Variants in RXRA observed in about 807,000 individuals in gnomAD.
The protein encoded by RXRA is retinoid X receptor alpha, also known as retinoic acid receptor RXR-alpha.
A neutral mutation model predicts 44.5 loss-of-function variants in RXRA; 5 were observed. The observed-to-expected ratio is 0.11, with a 90% CI of 0.06 to 0.24. The LOEUF is 0.24. Among genes scored for constraint, RXRA ranks in the 10% least tolerant of loss-of-function variants. RXRA has a pLI of 1.00. For missense variants in RXRA, 412 were observed against 646.5 expected (o/e 0.64, Z 3.93); for synonymous variants, 291 against 271.4 (o/e 1.07, Z -0.71).
chr9:134,427,486 G>A (rs1452658304), intron 6 of RXRA, among the ~76,000 whole-genome samples: 1 of 152,208 alleles, frequency 6.6e-6, no homozygotes, highest in Non-Finnish European at 1.5e-5. Context: ...CACGGTGATG[G>A]GGCACAGACC....
chr9:134,400,831 A>T (rs1588288237), intron 1 of RXRA, among the ~76,000 whole-genome samples: 1 of 152,180 alleles, frequency 6.6e-6, no homozygotes, highest in African/African-American at 2.4e-5. Flanking sequence ...AAAGCCACCC[A>T]GCAGCGTCCA....
chr9:134,425,542 AGGGTGGGGGGTG>A, intron 6 of RXRA: 1 of 279,194 alleles, frequency 3.6e-6, no homozygotes, highest in Non-Finnish European at 4.1e-6. Flanking sequence ...GCGTGGCGGC[AGGGTGGGGGGTG>A]GGGGGGGGTG....
At chr9:134,356,814 G>T (rs2119054422) in intron 1 of RXRA, among the ~76,000 whole-genome samples, 2 of 152,242 alleles carry the variant, frequency 1.3e-5, no homozygotes, top group South Asian at 4.1e-4. Context: ...TTTCCCAGGT[G>T]GGGGCCCCTG....
Position 134,366,860 on chromosome 9 carries a change from C to T in RXRA, c.29-34772C>T, listed in dbSNP as rs1325961075. Among the ~76,000 whole-genome samples, 1 of 152,156 alleles carries T rather than the reference C, an allele frequency of 6.6e-6. No individual in the cohort carries two copies. The highest frequency in any genetic ancestry group is 1.5e-5 in the Non-Finnish European group (1 of 68,032). ...AAGACACAGGAGTCGGGGACACATCCCAGTCGGAACGTGGTGGAAAGGCGC... is the reference window on the plus strand; with the variant it reads ...AAGACACAGGAGTCGGGGACACATCTCAGTCGGAACGTGGTGGAAAGGCGC... On this transcript the variant is annotated intron_variant, in intron 1 of 9. Transcript: ENST00000481739. This position sits in a 1 kb window ranked among gnomAD's most constrained non-coding sequence, Gnocchi z 5.9.
chr9:134,361,823 G>T (rs62576327), intron 1 of RXRA, among the ~76,000 whole-genome samples: 18,020 of 152,222 alleles, frequency 0.12, 1,124 homozygotes, highest in South Asian at 0.14. Context: ...GCCTGAGCAC[G>T]GTGGGTCTCC....
At chr9:134,408,901 G>A (rs762063946) in intron 3 of RXRA, 39 bp from the exon 4 acceptor site, 93 of 1,437,688 alleles carry the variant, frequency 6.5e-5, no homozygotes, top group Non-Finnish European at 8.2e-5. Context: ...CTGCCGGGGC[G>A]GTGGGTGCTC....
chr9:134,333,587 A>G (rs1338877818), intron 1 of RXRA, among the ~76,000 whole-genome samples: 1 of 152,076 alleles, frequency 6.6e-6, no homozygotes, highest in Non-Finnish European at 1.5e-5. Context: ...AAACCCTCGG[A>G]GTTCAAAGAC....
chr9:134,383,739 C>T (rs1312615745), intron 1 of RXRA, among the ~76,000 whole-genome samples: 1 of 152,132 alleles, frequency 6.6e-6, no homozygotes, highest in Admixed American at 6.5e-5. Context: ...AAAGCTTCGA[C>T]CTGGGCTGCA....
chr9:134,401,693 C>T lies in RXRA; in HGVS notation c.90C>T (p.Ala30=). The T allele has an allele frequency of 6.2e-7, 1 of 1,613,122 alleles. No homozygotes were observed. Among genetic ancestry groups the T allele is most frequent in the Non-Finnish European group, 8.5e-7 (1 of 1,179,988 alleles). Residue 30 remains alanine, a synonymous_variant, in exon 2 of 10, where the codon GCC becomes GCT. Transcript: ENST00000481739. The part of the protein sequence containing the change: ...TSPTGRGSMA[A]PSLHPSLGPG... The stretch of plus-strand genomic sequence containing the variant: ...CGACGGGGCGAGGCTCCATGGCTGC[C>T]CCCTCGCTGCACCCGTCCCTGGGGC...
chr9:134,327,748 C>G (rs1554746207), intron 1 of RXRA, among the ~76,000 whole-genome samples: 1 of 152,120 alleles, frequency 6.6e-6, no homozygotes, highest in African/African-American at 2.4e-5. Context: ...TCAAGGGGAG[C>G]CAGCATGGAC....
chr9:134,406,483 AATC>A (rs555676310), intron 2 of RXRA: 5 of 152,306 alleles, frequency 3.3e-5, no homozygotes, highest in Admixed American at 3.3e-4. Context: ...ACAGTGATTA[AATC>A]ATTTTCCGAA....
intron 1 of RXRA, among the ~76,000 whole-genome samples, chr9:134,361,468 G>T (rs919345872): frequency 6.7e-6 from 1 of 150,214 alleles, no homozygotes; most frequent in African/African-American, 2.4e-5. Context: ...TTTGTCTCCC[G>T]GCTGGGTGGC....
intron 1 of RXRA, among the ~76,000 whole-genome samples, chr9:134,350,278 C>T (rs1830205715): frequency 1.3e-5 from 2 of 152,256 alleles, no homozygotes; most frequent in Admixed American, 6.5e-5. Context: ...GCGGAGTGGC[C>T]TGAACACAGT....
intron 1 of RXRA, among the ~76,000 whole-genome samples, chr9:134,347,645 CA>C (rs1358696327): frequency 6.6e-6 from 1 of 152,176 alleles, no homozygotes; most frequent in Non-Finnish European, 1.5e-5. Context: ...GAAAGCCCTC[CA>C]GGGGGATGCT....
intron 1 of RXRA, among the ~76,000 whole-genome samples, chr9:134,351,882 G>T (rs2119044602): frequency 6.6e-6 from 1 of 152,340 alleles, no homozygotes; most frequent in South Asian, 2.1e-4. Flanking sequence ...CGGGGCGTGG[G>T]GTGTGCCAGT....
At chr9:134,423,287 C>T (rs1831378746) in intron 6 of RXRA, 2 of 985,464 alleles carry the variant, frequency 2.0e-6, no homozygotes, top group Non-Finnish European at 2.4e-6. Context: ...CCCATGTCCC[C>T]CTGGGCCCAA....
At chr9:134,374,607 G>A (rs567512982) in intron 1 of RXRA, among the ~76,000 whole-genome samples, 6 of 152,322 alleles carry the variant, frequency 3.9e-5, no homozygotes, top group African/African-American at 9.6e-5. Flanking sequence ...GTTGAGCCCC[G>A]AGCAAATGCC....
At chr9:134,333,371 C>T (rs3818731) in intron 1 of RXRA, among the ~76,000 whole-genome samples, 57,783 of 152,040 alleles carry the variant, frequency 0.38, 12,325 homozygotes, top group African/African-American at 0.58. Flanking sequence ...CTGGCCTCCC[C>T]GCACCTCTGT....
At chr9:134,432,748 T>A (rs1333066560) in intron 8 of RXRA, among the ~76,000 whole-genome samples, 1 of 151,988 alleles carries the variant, frequency 6.6e-6, no homozygotes, top group Non-Finnish European at 1.5e-5. Flanking sequence ...AGGAGCACGG[T>A]TGGTCGAGGG....
Sources: allele counts gnomAD v4.1 joint callset (sites outside exome capture counted in the v4.1 genomes callset), GRCh38; gene constraint gnomAD v4.1.1; non-coding constraint Gnocchi (gnomAD v3.1); transcripts MANE v1.5; gene names NCBI Gene and HGNC (gene_info 2026-07-23, HGNC 2026-07-21).